MARCHF4: variants seen among roughly 807,000 people sequenced by gnomAD.
The protein encoded by MARCHF4 is membrane associated ring-CH-type finger 4, also known as E3 ubiquitin-protein ligase MARCHF4.
In MARCHF4, 14 loss-of-function variants were observed where a neutral mutation model predicts 43.9. The ratio of observed to expected loss-of-function variants is 0.32; its 90% CI spans 0.21 to 0.50. The LOEUF is 0.50. Among genes scored for constraint, MARCHF4 ranks in the 20% least tolerant of loss-of-function variants. The pLI is 0.98. For missense variants in MARCHF4, 468 were observed against 536.7 expected (o/e 0.87, Z 1.27); for synonymous variants, 226 against 213.3 (o/e 1.06, Z -0.52).
intron 1 of MARCHF4, among the ~76,000 whole-genome samples, chr2:216,348,384 A>C (rs188357318): frequency 7.6e-4 from 115 of 152,250 alleles, no homozygotes; most frequent in African/African-American, 2.6e-3. Flanking sequence ...AGTCAGCACA[A>C]GATACAGGTC....
chr2:216,286,532 A>AAAG (rs1280593094), intron 1 of MARCHF4, among the ~76,000 whole-genome samples: 1 of 151,432 alleles, frequency 6.6e-6, no homozygotes, highest in Non-Finnish European at 1.5e-5. Context: ...AAAAAAAAAA[A>AAAG]AAGAAGAAGA....
At chr2:216,296,574 T>C (rs1024838410) in intron 1 of MARCHF4, among the ~76,000 whole-genome samples, 15 of 152,226 alleles carry the variant, frequency 9.9e-5, no homozygotes, top group Admixed American at 7.8e-4. Context: ...TTTTGTTTTG[T>C]CTGCAGAAAG....
intron 1 of MARCHF4, among the ~76,000 whole-genome samples, chr2:216,354,972 T>C (rs955661218): frequency 1.4e-5 from 2 of 139,680 alleles, no homozygotes; most frequent in East Asian, 2.2e-4. Flanking sequence ...TCTTTCTTTC[T>C]TTCTTTCTTT....
At chr2:216,332,400 A>G (rs1224359375) in intron 1 of MARCHF4, among the ~76,000 whole-genome samples, 1 of 151,720 alleles carries the variant, frequency 6.6e-6, no homozygotes, top group Admixed American at 6.6e-5. Flanking sequence ...TAAAAAAAAA[A>G]AAAAGAAAGA....
intron 1 of MARCHF4, among the ~76,000 whole-genome samples, chr2:216,304,207 C>T (rs539138403): frequency 6.6e-6 from 1 of 152,332 alleles, no homozygotes; most frequent in East Asian, 1.9e-4. Context: ...TTTTACTTGG[C>T]TTCTCATATA....
At chr2:216,357,561 T>C (rs1692520961) in intron 1 of MARCHF4, among the ~76,000 whole-genome samples, 1 of 152,226 alleles carries the variant, frequency 6.6e-6, no homozygotes, top group African/African-American at 2.4e-5. Context: ...GCTCAAGCAA[T>C]CTTCCCGCCT....
chr2:216,320,670 T>TCTTC (rs1691875253), intron 1 of MARCHF4, among the ~76,000 whole-genome samples: 2 of 105,172 alleles, frequency 1.9e-5, no homozygotes, highest in Admixed American at 9.5e-5. Context: ...TTTCTTTCTT[T>TCTTC]CTTTCTTTTT....
intron 1 of MARCHF4, among the ~76,000 whole-genome samples, chr2:216,342,223 G>A (rs1200128950): frequency 6.6e-6 from 1 of 152,182 alleles, no homozygotes; most frequent in Non-Finnish European, 1.5e-5. Context: ...TAGGGTACCA[G>A]GAACTGTGCT....
intron 1 of MARCHF4, chr2:216,321,805 G>A (rs994160749): frequency 1.3e-5 from 2 of 152,162 alleles, no homozygotes; most frequent in Non-Finnish European, 2.9e-5. Flanking sequence ...CGGGAGTGCT[G>A]TTGTCCCATA....
At chr2:216,304,112 C>T (rs764710640) in intron 1 of MARCHF4, among the ~76,000 whole-genome samples, 5 of 152,106 alleles carry the variant, frequency 3.3e-5, no homozygotes, top group Non-Finnish European at 5.9e-5. Context: ...AGATTTGCTG[C>T]CTAGAGTAGA....
rs559026112 is a variant in MARCHF4 at position 216,342,456 on chromosome 2, C to T, written c.516+27289G>A. ...TGCAAAAATGTTTCTGTGCTCCAGTCGGCATGTGTCCTGTTGATGGTTGGG... is the reference window on the plus strand; with the variant it reads ...TGCAAAAATGTTTCTGTGCTCCAGTTGGCATGTGTCCTGTTGATGGTTGGG... On this transcript the variant is annotated intron_variant, in intron 1 of 3. Coordinates refer to ENST00000273067, the MANE Select transcript of MARCHF4 (RefSeq NM_020814.3). 9.0e-4 allele frequency among the ~76,000 whole-genome samples: 137 copies of T among 152,228 alleles called. 2 individuals carry two copies. Among genetic ancestry groups the T allele is most frequent in the African/African-American group, 3.1e-3 (128 of 41,550 alleles).
At chr2:216,322,718 A>G (rs1053709799) in intron 1 of MARCHF4, among the ~76,000 whole-genome samples, 1 of 152,140 alleles carries the variant, frequency 6.6e-6, no homozygotes, top group African/African-American at 2.4e-5. Context: ...GCTACTAGGG[A>G]GGCTGAGGTG....
chr2:216,345,507 C>T (rs1193225399), intron 1 of MARCHF4, among the ~76,000 whole-genome samples: 1 of 152,144 alleles, frequency 6.6e-6, no homozygotes, highest in Non-Finnish European at 1.5e-5. Context: ...CTCCACTTCC[C>T]CCTTCCTGGG....
chr2:216,292,144 T>C (rs545293033), intron 1 of MARCHF4, among the ~76,000 whole-genome samples: 43 of 152,370 alleles, frequency 2.8e-4, no homozygotes, highest in South Asian at 2.7e-3. Context: ...TGGGGATTAT[T>C]TGATGTGTGT....
chr2:216,286,723 G>A (rs1037334882), intron 1 of MARCHF4, among the ~76,000 whole-genome samples: 5 of 152,192 alleles, frequency 3.3e-5, no homozygotes, highest in African/African-American at 9.6e-5. Context: ...TATACATTTC[G>A]GGGAAAGCCC....
At chr2:216,264,216 T>G (rs1309555743) in intron 3 of MARCHF4, among the ~76,000 whole-genome samples, 1 of 152,184 alleles carries the variant, frequency 6.6e-6, no homozygotes, top group Non-Finnish European at 1.5e-5. Flanking sequence ...CTCAGGGGTT[T>G]CTAGCCCTTT....
At chr2:216,340,414 C>T (rs1692218653) in intron 1 of MARCHF4, among the ~76,000 whole-genome samples, 1 of 152,252 alleles carries the variant, frequency 6.6e-6, no homozygotes, top group Non-Finnish European at 1.5e-5. Context: ...GGCTCTCCTC[C>T]TGCAGCCTTC....
At chr2:216,283,006 T>C (rs954936127) in intron 2 of MARCHF4, among the ~76,000 whole-genome samples, 5 of 152,148 alleles carry the variant, frequency 3.3e-5, no homozygotes, top group Admixed American at 3.3e-4. Flanking sequence ...TCCAGACCTA[T>C]AGAATAGCCT....
intron 1 of MARCHF4, among the ~76,000 whole-genome samples, chr2:216,310,186 C>A (rs963774972): frequency 3.3e-5 from 5 of 152,236 alleles, no homozygotes; most frequent in Non-Finnish European, 2.9e-5. Flanking sequence ...CTAGCCTTGA[C>A]TCCAGTGATG....
Sources: gnomAD v4.1 joint callset for allele counts (sites outside exome capture counted in the v4.1 genomes callset) on GRCh38, gnomAD v4.1.1 for gene constraint, MANE v1.5 for transcripts, NCBI Gene and HGNC (gene_info 2026-07-23, HGNC 2026-07-21) for gene names.